Variants in ZNRF1 observed in about 807,000 individuals in gnomAD.
ZNRF1 encodes E3 ubiquitin-protein ligase ZNRF1.
A neutral mutation model predicts 18.4 loss-of-function variants in ZNRF1; 3 were observed. The ratio of observed to expected loss-of-function variants is 0.16; its 90% CI spans 0.07 to 0.42. The LOEUF (loss-of-function observed/expected upper bound fraction) is 0.42. ZNRF1 is among the 10% of genes least tolerant of loss of function. The probability of loss-of-function intolerance (pLI) is 0.99; values close to 1 mark genes in which losing one functional copy is unlikely to be tolerated. For synonymous variants in ZNRF1, 157 were observed against 144.2 expected, an observed-to-expected ratio of 1.09 and a Z score of -0.64; for missense variants, 310 against 329.8, an observed-to-expected ratio of 0.94 and a Z score of 0.47.
At chr16:75,031,833 G>C (rs926356371) in intron 1 of ZNRF1, among the ~76,000 whole-genome samples, 3 of 152,140 alleles carry the variant, frequency 2.0e-5, no homozygotes, top group Non-Finnish European at 2.9e-5. Context: ...TGCTCGGTCA[G>C]TTCTACTGTG....
chr16:75,077,261 G>A (rs987570582), intron 1 of ZNRF1, among the ~76,000 whole-genome samples: 1 of 152,332 alleles, frequency 6.6e-6, no homozygotes, highest in East Asian at 1.9e-4. Context: ...GGCTGGGCGC[G>A]GTGGCTCACG....
intron 1 of ZNRF1, among the ~76,000 whole-genome samples, chr16:75,009,828 C>T (rs1352749040): frequency 1.3e-5 from 2 of 151,668 alleles, no homozygotes; most frequent in African/African-American, 4.8e-5. Flanking sequence ...TTAATAGTAG[C>T]CATCTTAATG....
intron 1 of ZNRF1, among the ~76,000 whole-genome samples, chr16:75,034,021 G>C (rs1247833183): frequency 6.6e-6 from 1 of 151,680 alleles, no homozygotes; most frequent in Non-Finnish European, 1.5e-5. Context: ...AGCCAGGTGT[G>C]TTGGTGCACA....
chr16:75,086,887 G>T (rs2036081087), intron 1 of ZNRF1, among the ~76,000 whole-genome samples: 1 of 152,014 alleles, frequency 6.6e-6, no homozygotes, highest in South Asian at 2.1e-4. Flanking sequence ...CTACCTTTAG[G>T]TGATCCCAGA....
chr16:75,025,504 T>A (rs2035209939), intron 1 of ZNRF1, among the ~76,000 whole-genome samples: 1 of 152,180 alleles, frequency 6.6e-6, no homozygotes, highest in Non-Finnish European at 1.5e-5. Flanking sequence ...TAGCTCTTTG[T>A]TAGGGACCAT....
intron 1 of ZNRF1, among the ~76,000 whole-genome samples, chr16:75,011,668 G>C (rs1345895225): frequency 6.6e-6 from 1 of 152,166 alleles, no homozygotes; most frequent in Non-Finnish European, 1.5e-5. Flanking sequence ...CCAGTGCCCT[G>C]GAAAGCTATA....
intron 1 of ZNRF1, among the ~76,000 whole-genome samples, chr16:75,091,350 C>T (rs1306510200): frequency 1.0e-5 from 1 of 97,658 alleles, no homozygotes. Context: ...CAGAGTAAGA[C>T]TCCATCTCAA....
chr16:75,092,928 G>C (rs1176161705), intron 1 of ZNRF1, among the ~76,000 whole-genome samples: 1 of 152,178 alleles, frequency 6.6e-6, no homozygotes, highest in African/African-American at 2.4e-5. Context: ...AGGTGCCTTG[G>C]TTTGATGCCT....
intron 1 of ZNRF1, among the ~76,000 whole-genome samples, chr16:75,071,601 C>T (rs62059180): frequency 0.068 from 10,323 of 152,140 alleles, 401 homozygotes; most frequent in Admixed American, 0.13. Flanking sequence ...GCATTTTGGC[C>T]GTACTCTGGG....
rs147899207 is a variant in ZNRF1, at chr16:75,003,242, G to A, written c.424+3147G>A. Among the ~76,000 whole-genome samples, 509 of 152,324 alleles carry A rather than the reference G, an allele frequency of 3.3e-3. 5 individuals carry two copies. The highest frequency in any genetic ancestry group is 0.012 in the African/African-American group (479 of 41,552). ...CTCCCAAAGTGATAGGATTACAGGC[G>A]TGAGCCACTGCGCCCTGCACCTTAA... is the stretch of plus-strand genomic sequence containing the variant. On this transcript the variant is annotated intron_variant, in intron 1 of 4. Coordinates refer to ENST00000335325, the MANE Select transcript of ZNRF1 (RefSeq NM_032268.5).
At chr16:75,085,361 C>T (rs1457429208) in intron 1 of ZNRF1, among the ~76,000 whole-genome samples, 1 of 152,172 alleles carries the variant, frequency 6.6e-6, no homozygotes, top group Non-Finnish European at 1.5e-5. Context: ...ATCAGTAATT[C>T]ATTGCTTTTT....
At chr16:75,070,893 A>G (rs907466162) in intron 1 of ZNRF1, among the ~76,000 whole-genome samples, 4 of 152,184 alleles carry the variant, frequency 2.6e-5, no homozygotes, top group Non-Finnish European at 5.9e-5. Context: ...GTTTTCCATT[A>G]TGTGAATAAA....
intron 1 of ZNRF1, among the ~76,000 whole-genome samples, chr16:75,080,008 C>T (rs1220409576): frequency 1.3e-5 from 2 of 152,198 alleles, no homozygotes; most frequent in Non-Finnish European, 2.9e-5. Flanking sequence ...CTCCACCTCC[C>T]GGGTTCAAGC....
intron 1 of ZNRF1, among the ~76,000 whole-genome samples, chr16:75,046,095 G>T (rs954353162): frequency 4.0e-5 from 6 of 151,418 alleles, no homozygotes; most frequent in Non-Finnish European, 8.8e-5. Flanking sequence ...GTAGAAACGG[G>T]GTTTCACCAT....
At chr16:75,046,246 T>C (rs2035513916) in intron 1 of ZNRF1, among the ~76,000 whole-genome samples, 1 of 151,282 alleles carries the variant, frequency 6.6e-6, no homozygotes. Context: ...AGTTGGGTGT[T>C]TCATTTTGTG....
chr16:75,042,669 T>TCA (rs1275555487), intron 1 of ZNRF1, among the ~76,000 whole-genome samples: 1 of 152,198 alleles, frequency 6.6e-6, no homozygotes, highest in Admixed American at 6.6e-5. Flanking sequence ...GTGTACAGTC[T>TCA]CCATTTTTGT....
chr16:75,065,542 G>A (rs906828742), intron 1 of ZNRF1, among the ~76,000 whole-genome samples: 45 of 152,262 alleles, frequency 3.0e-4, no homozygotes, highest in African/African-American at 8.9e-4. Flanking sequence ...ATTTGAGTTC[G>A]TCATCACAAA....
At chr16:75,013,154 C>T (rs984509041) in intron 1 of ZNRF1, among the ~76,000 whole-genome samples, 1 of 152,196 alleles carries the variant, frequency 6.6e-6, no homozygotes, top group African/African-American at 2.4e-5. Context: ...AGAGGTTCAA[C>T]ACTTTCATAT....
chr16:75,003,960 T>G (rs1464684979), intron 1 of ZNRF1, among the ~76,000 whole-genome samples: 1 of 42,280 alleles, frequency 2.4e-5, no homozygotes, highest in Non-Finnish European at 7.5e-5. Context: ...TCGCCTCAGA[T>G]TTTTTTTTTT....
Sources: gnomAD v4.1 joint callset for allele counts (sites outside exome capture counted in the v4.1 genomes callset) on GRCh38, gnomAD v4.1.1 for gene constraint, MANE v1.5 for transcripts, NCBI Gene and HGNC (gene_info 2026-07-23, HGNC 2026-07-21) for gene names.